The following CDH13 variants were observed in gnomAD, a reference collection of about 807,000 sequenced individuals.
CDH13 encodes the protein cadherin-13.
CDH13 carries 24 observed loss-of-function variants against 63.8 expected under a neutral mutation model. The ratio of observed to expected loss-of-function variants is 0.38; its 90% CI spans 0.27 to 0.53. CDH13 has a LOEUF of 0.53. Ranked by LOEUF, CDH13 falls within the 20% of genes least tolerant of loss-of-function variation. CDH13 has a pLI of 0.85. For missense variants in CDH13, 1,049 were observed against 903.1 expected, an observed-to-expected ratio of 1.16 and a Z score of -2.07; for synonymous variants, 503 against 355.3, an observed-to-expected ratio of 1.42 and a Z score of -4.67.
chr16:82,641,285 C>G (rs960479809), intron 1 of CDH13, among the ~76,000 whole-genome samples: 1 of 152,118 alleles, frequency 6.6e-6, no homozygotes, highest in African/African-American at 2.4e-5. Context: ...GGGGAGCAGT[C>G]ATGACTTTGG....
At chr16:83,318,472 A>C (rs1301159013) in intron 5 of CDH13, among the ~76,000 whole-genome samples, 2 of 152,164 alleles carry the variant, frequency 1.3e-5, no homozygotes, top group Non-Finnish European at 2.9e-5. Context: ...AGGCAATCAT[A>C]ATCTTCTAAG....
At chr16:83,418,394 C>G (rs1395692034) in intron 6 of CDH13, among the ~76,000 whole-genome samples, 1 of 151,730 alleles carries the variant, frequency 6.6e-6, no homozygotes, top group Non-Finnish European at 1.5e-5. Flanking sequence ...GATTTTTTTT[C>G]CAAATTAAGA....
At chr16:83,724,415 A>T (rs1910122920) in intron 10 of CDH13, among the ~76,000 whole-genome samples, 1 of 129,228 alleles carries the variant, frequency 7.7e-6, no homozygotes, top group Admixed American at 7.7e-5. Context: ...TGATGAATGC[A>T]TAGGTGAGTG....
At chr16:82,972,138 G>C (rs955879284) in intron 2 of CDH13, among the ~76,000 whole-genome samples, 1 of 152,184 alleles carries the variant, frequency 6.6e-6, no homozygotes, top group South Asian at 2.1e-4. Context: ...GAAATTTGGG[G>C]ACACTGATTA....
chr16:83,290,209 C>A (rs1465390218), intron 5 of CDH13, among the ~76,000 whole-genome samples: 1 of 152,152 alleles, frequency 6.6e-6, no homozygotes, highest in Admixed American at 6.5e-5. Context: ...ACATTCAATT[C>A]TATTTTAATT....
At chr16:82,798,174 G>C (rs1377645405) in intron 1 of CDH13, among the ~76,000 whole-genome samples, 1 of 152,170 alleles carries the variant, frequency 6.6e-6, no homozygotes, top group African/African-American at 2.4e-5. Flanking sequence ...GGTTGCTCTT[G>C]AAACACCGTC....
chr16:83,406,327 C>T (rs2092044063), intron 6 of CDH13, among the ~76,000 whole-genome samples: 1 of 152,150 alleles, frequency 6.6e-6, no homozygotes, highest in Admixed American at 6.5e-5. Flanking sequence ...AATCTCCCAC[C>T]ATCCTCAAAA....
chr16:82,749,911 T>C (rs1179952721), intron 1 of CDH13, among the ~76,000 whole-genome samples: 1 of 151,992 alleles, frequency 6.6e-6, no homozygotes, highest in Non-Finnish European at 1.5e-5. Context: ...AAGAAAAAAA[T>C]GTATAAGTTG....
Position 83,557,847 on chromosome 16 carries a change from G to C in CDH13, c.961-44607G>C, listed in dbSNP as rs185079915. On this transcript the variant is annotated intron_variant, in intron 7 of 13. Coordinates refer to ENST00000567109, the MANE Select transcript of CDH13 (RefSeq NM_001257.5). ...CTTAGAGTGAGTAGAGAGGCAATTAGGGCACATGCTTCGATCATTTTGAGT... is the reference window on the plus strand; with the variant it reads ...CTTAGAGTGAGTAGAGAGGCAATTACGGCACATGCTTCGATCATTTTGAGT... 3.0e-3 allele frequency among the ~76,000 whole-genome samples: 453 copies of C among 152,184 alleles called. 3 individuals carry two copies. The highest frequency in any genetic ancestry group is 0.01 in the African/African-American group (432 of 41,530).
chr16:82,640,097 A>C (rs1177601518), intron 1 of CDH13, among the ~76,000 whole-genome samples: 1 of 152,254 alleles, frequency 6.6e-6, no homozygotes. Context: ...GAAACAAGAA[A>C]AATAAATAAA....
intron 1 of CDH13, among the ~76,000 whole-genome samples, chr16:82,741,436 G>A (rs888228517): frequency 6.6e-6 from 1 of 152,102 alleles, no homozygotes; most frequent in Non-Finnish European, 1.5e-5. Flanking sequence ...CCTTATCTGT[G>A]GTTTACAAGC....
intron 7 of CDH13, among the ~76,000 whole-genome samples, chr16:83,528,411 T>C (rs1189164436): frequency 1.3e-5 from 2 of 152,166 alleles, no homozygotes; most frequent in African/African-American, 4.8e-5. Flanking sequence ...TCTGTTGCAG[T>C]TGGGCGGTCT....
At chr16:82,926,770 T>G (rs1260051117) in intron 2 of CDH13, among the ~76,000 whole-genome samples, 1 of 152,174 alleles carries the variant, frequency 6.6e-6, no homozygotes, top group Non-Finnish European at 1.5e-5. Flanking sequence ...TCAACCAAAC[T>G]GGGGTTTTCA....
chr16:82,817,176 C>A (rs900697042), intron 1 of CDH13, among the ~76,000 whole-genome samples: 5 of 151,896 alleles, frequency 3.3e-5, no homozygotes, highest in African/African-American at 9.7e-5. Flanking sequence ...CTTCGCCCCC[C>A]ACTGCAGGTA....
At chr16:83,340,869 A>G (rs1215464599) in intron 5 of CDH13, among the ~76,000 whole-genome samples, 1 of 152,098 alleles carries the variant, frequency 6.6e-6, no homozygotes, top group Non-Finnish European at 1.5e-5. Context: ...ATCTGCCTCC[A>G]CAGTGGACTT....
chr16:83,565,784 T>C (rs186647082), intron 7 of CDH13, among the ~76,000 whole-genome samples: 10 of 152,360 alleles, frequency 6.6e-5, no homozygotes, highest in Non-Finnish European at 1.5e-5. Flanking sequence ...TGATAACTGA[T>C]TTATTCTTTT....
At chr16:82,855,148 C>G (rs139459599) in intron 1 of CDH13, among the ~76,000 whole-genome samples, 15 of 152,310 alleles carry the variant, frequency 9.8e-5, no homozygotes, top group South Asian at 2.1e-4. Context: ...GGGGCTTCTC[C>G]TACTGCTCCC....
intron 8 of CDH13, among the ~76,000 whole-genome samples, chr16:83,645,218 A>G (rs8061113): frequency 0.43 from 65,118 of 151,516 alleles, 14,197 homozygotes; most frequent in Admixed American, 0.48. Flanking sequence ...TGCAGCCATA[A>G]AAAAGAATGA....
intron 1 of CDH13, among the ~76,000 whole-genome samples, chr16:82,643,886 A>G (rs969708039): frequency 7.3e-5 from 11 of 150,978 alleles, no homozygotes; most frequent in Admixed American, 6.0e-4. Context: ...AAGTGGGACT[A>G]CAGGTGTGGA....
Sources: gnomAD v4.1 joint callset for allele counts (sites outside exome capture counted in the v4.1 genomes callset) on GRCh38, gnomAD v4.1.1 for gene constraint, MANE v1.5 for transcripts, NCBI Gene and HGNC (gene_info 2026-07-23, HGNC 2026-07-21) for gene names.